RENBP: variants seen among roughly 807,000 people sequenced by gnomAD.
The protein encoded by RENBP is N-acylglucosamine 2-epimerase.
In RENBP, 16 loss-of-function variants were observed where a neutral mutation model predicts 37.8. The ratio of observed to expected loss-of-function variants is 0.42; its 90% CI spans 0.29 to 0.64. The LOEUF is 0.64. Ranked by LOEUF, RENBP falls within the 30% of genes least tolerant of loss-of-function variation. The pLI is 0.19. For synonymous variants in RENBP, 170 were observed against 154.8 expected, an observed-to-expected ratio of 1.10 and a Z score of -0.73; for missense variants, 347 against 379.5, an observed-to-expected ratio of 0.91 and a Z score of 0.71.
intron 9 of RENBP, 39 bp from the exon 10 acceptor site, chrX:153,935,615 A>G (rs945418192): frequency 1.8e-6 from 2 of 1,091,165 alleles, no homozygotes; most frequent in Non-Finnish European, 2.5e-6. Flanking sequence ...CGCCTGCAGG[A>G]CCCGCCCAGA....
chrX:153,942,230 G>GTTTTTTTT (rs782716689), intron 6 of RENBP, 199 bp from the exon 7 acceptor site: 12 of 96,058 alleles, frequency 1.2e-4, no homozygotes, highest in Admixed American at 2.0e-4. Flanking sequence ...GCAAGTTGTT[G>GTTTTTTTT]TTTTTTTTTT....
At position 153,935,333 on chromosome X, in the gene RENBP, G is replaced by GGGCGGGGCGGCTC. The variant is rs2065193945; in HGVS notation, c.1224_1236dup (p.Pro413GlufsTer?). On this transcript the variant is annotated frameshift_variant, in exon 11 of 11. Coordinates refer to ENST00000393700, the MANE Select transcript of RENBP (RefSeq NM_002910.6). LOFTEE classifies it low-confidence loss of function (END_TRUNC). Reference sequence around the variant, plus strand: ...GGGGTGGGGGCGGGGGAGGGGGCGGGGGCGGGGCGGCTCAGCAGGGCGCCC... The same window carrying GGGCGGGGCGGCTC: ...GGGGTGGGGGCGGGGGAGGGGGCGGGGGCGGGGCGGCTCGGCGGGGCGGCTCAGCAGGGCGCCC... 1 of 951,769 alleles carries GGGCGGGGCGGCTC rather than the reference G, an allele frequency of 1.1e-6. No individual in the cohort carries two copies. The highest frequency in any genetic ancestry group is 1.4e-6 in the Non-Finnish European group (1 of 724,677). The allele number at this position is 951,769 out of a possible 1,213,427, so 78.4% of individuals were successfully genotyped here.
chrX:153,944,465 GC>G (rs377725039), intron 1 of RENBP, 47 bp from the exon 2 acceptor site: 12 of 1,166,746 alleles, frequency 1.0e-5, no homozygotes, highest in African/African-American at 3.6e-5. Flanking sequence ...TGGGACCTAG[GC>G]CCCCCCAGCC....
intron 9 of RENBP, among the ~76,000 whole-genome samples, chrX:153,936,505 C>CA (rs782037368): frequency 0.095 from 3,325 of 35,101 alleles, 184 homozygotes; most frequent in African/African-American, 0.19. Context: ...GACTCCGTCT[C>CA]AAAAAAAAAA....
intron 6 of RENBP, chrX:153,942,513 A>G (rs1367424482): frequency 3.7e-6 from 1 of 267,945 alleles, no homozygotes; most frequent in Non-Finnish European, 6.6e-6. Context: ...CTGGGATTAC[A>G]GGCACGAGCC....
chrX:153,938,800 T>G (rs1252618861), intron 9 of RENBP, among the ~76,000 whole-genome samples: 6 of 97,958 alleles, frequency 6.1e-5, no homozygotes, highest in Non-Finnish European at 8.0e-5. Flanking sequence ...TTTTTTGTTT[T>G]TTTTTTTTTT....
At chrX:153,944,021 G>A (rs782181926) in intron 3 of RENBP, 51 bp from the exon 4 acceptor site, 1 of 1,203,987 alleles carries the variant, frequency 8.3e-7, no homozygotes, top group East Asian at 3.0e-5. Context: ...GGGGTGAGGT[G>A]GGGAGACCTT....
At chrX:153,942,242 T>TTG (rs1557109703) in intron 6 of RENBP, 1 of 268,462 alleles carries the variant, frequency 3.7e-6, no homozygotes, top group Non-Finnish European at 6.0e-6. Context: ...TTTTTTTTTT[T>TTG]TTTTTTTTTT....
At chrX:153,940,617 G>C (rs529000162) in intron 8 of RENBP, among the ~76,000 whole-genome samples, 2 of 111,086 alleles carry the variant, frequency 1.8e-5, no homozygotes, top group Admixed American at 1.9e-4. Flanking sequence ...ATATGAGGTC[G>C]GCACAAAATA....
In RENBP at chrX:153,935,486, C is replaced by G. The variant is rs1381295585; in HGVS notation, c.1165+3G>C. 22 of 1,202,443 alleles carry G rather than the reference C, an allele frequency of 1.8e-5. No homozygotes were observed. Among genetic ancestry groups the G allele is most frequent in the Admixed American group, 4.4e-5 (2 of 45,796 alleles). Reference sequence around the variant, plus strand: ...CTGCGGCCCCGCCCTCTCCCCCACTCACCTTTGAAAGGACCTCCCTTGATG... The same window carrying G: ...CTGCGGCCCCGCCCTCTCCCCCACTGACCTTTGAAAGGACCTCCCTTGATG... On this transcript the variant is annotated splice_donor_region_variant and intron_variant, in intron 10 of 10. Transcript: ENST00000393700.
intron 7 of RENBP, 99 bp from the exon 8 acceptor site, chrX:153,941,752 C>G: frequency 1.3e-6 from 1 of 788,600 alleles, no homozygotes; most frequent in East Asian, 3.5e-5. Context: ...TGCTCCCTCC[C>G]TAACAATGAG....
intron 9 of RENBP, among the ~76,000 whole-genome samples, chrX:153,936,505 CA>C (rs782037368): frequency 0.05 from 1,774 of 35,707 alleles, 32 homozygotes; most frequent in African/African-American, 0.12. Context: ...GACTCCGTCT[CA>C]AAAAAAAAAA....
At position 153,943,071 on chromosome X, in the gene RENBP, C is replaced by T. The variant is rs781832878; in HGVS notation, c.471G>A (p.Ala157=). ...ATGEVRYQTE[A]VEMMDQIVHW... ...GGACGATCTGATCCATCATCTCCAC[C>T]GCTTCCGTCTGGGGGTGCAGGAGGC... Residue 157 remains alanine, a synonymous_variant, in exon 6 of 11, where the codon GCG becomes GCA. Coordinates refer to ENST00000393700, the MANE Select transcript of RENBP (RefSeq NM_002910.6). 65 of 1,161,773 alleles carry T rather than the reference C, an allele frequency of 5.6e-5. No homozygotes were observed. The highest frequency in any genetic ancestry group is 7.0e-5 in the Non-Finnish European group (61 of 868,451).
chrX:153,940,924 G>A (rs1258764705), intron 8 of RENBP, among the ~76,000 whole-genome samples: 1 of 111,050 alleles, frequency 9.0e-6, no homozygotes, highest in Non-Finnish European at 1.9e-5. Context: ...CGGATCACCT[G>A]AGGTCGGGAG....
intron 9 of RENBP, among the ~76,000 whole-genome samples, chrX:153,937,750 AC>A (rs2065209755): frequency 9.1e-6 from 1 of 109,941 alleles, no homozygotes; most frequent in Admixed American, 9.7e-5. Flanking sequence ...CCGCCACCAC[AC>A]CCGGCTAATT....
chrX:153,942,686 G>A (rs2065232444), intron 6 of RENBP, 169 bp downstream of exon 6: 2 of 467,095 alleles, frequency 4.3e-6, no homozygotes, highest in Non-Finnish European at 7.4e-6. Context: ...CTTCTGTCAG[G>A]GCTTGCCTGG....
In RENBP at chrX:153,942,745, G is replaced by A. The variant is rs1325434838; in HGVS notation, c.687+110C>T. ...CTCAGGCCCTCCACCTTCCCCAGGT[G>A]GGGACATCCCCGAATCTCTGTCTCT... On this transcript the variant is annotated intron_variant, in intron 6 of 10. Coordinates refer to ENST00000393700, the MANE Select transcript of RENBP (RefSeq NM_002910.6). 7 of 650,395 alleles carry A rather than the reference G, an allele frequency of 1.1e-5. No homozygotes were observed. The Admixed American group carries it at 1.7e-4, about 16-fold the overall frequency. The allele number at this position is 650,395 out of a possible 1,213,427, so 53.6% of individuals were successfully genotyped here.
In RENBP at chrX:153,943,468, G is replaced by T. The variant is rs10429768; in HGVS notation, c.462+78C>A. The T allele has an allele frequency of 2.9e-6, 3 of 1,018,557 alleles. No homozygotes were observed. The African/African-American group carries it at 5.6e-5, about 19-fold the overall frequency. The allele number at this position is 1,018,557 out of a possible 1,213,427, so 83.9% of individuals were successfully genotyped here. ...GATGGGTCCATGGGAGGGGACTTGC[G>T]TAGTGAGTGGGAATGCATCAGGTGG... On this transcript the variant is annotated intron_variant, in intron 5 of 10. Coordinates refer to ENST00000393700, the MANE Select transcript of RENBP (RefSeq NM_002910.6).
At chrX:153,936,188 T>C (rs1319287813) in intron 9 of RENBP, 2 of 112,286 alleles carry the variant, frequency 1.8e-5, no homozygotes, top group African/African-American at 6.7e-5. Flanking sequence ...ATTGTGATTG[T>C]AGTCGTGGTT....
Sources: gnomAD v4.1 joint callset for allele counts (sites outside exome capture counted in the v4.1 genomes callset) on GRCh38, gnomAD v4.1.1 for gene constraint, MANE v1.5 for transcripts, NCBI Gene and HGNC (gene_info 2026-07-23, HGNC 2026-07-21) for gene names.